FN1: variants seen among roughly 807,000 people sequenced by gnomAD.
The protein encoded by FN1 is fibronectin 1, also known as fibronectin.
In FN1, 106 loss-of-function variants were observed where a neutral mutation model predicts 297.3. The ratio of observed to expected loss-of-function variants is 0.36; its 90% confidence interval spans 0.30 to 0.42. The LOEUF (loss-of-function observed/expected upper bound fraction) is 0.42. Ranked by LOEUF, FN1 falls within the 10% of genes least tolerant of loss-of-function variation. The pLI is 1.00. For synonymous variants in FN1, 1,149 were observed against 1,152.6 expected, an observed-to-expected ratio of 1.00 and a Z score of 0.06; for missense variants, 2,690 against 3,124.9, an observed-to-expected ratio of 0.86 and a Z score of 3.32.
At chr2:215,378,111 T>C (rs1016510418) in intron 35 of FN1, 64 bp downstream of exon 35, 1 of 1,019,748 alleles carries the variant, frequency 9.8e-7, no homozygotes, top group Non-Finnish European at 1.6e-6. Context: ...CCCCACTGAT[T>C]TACCATTCTT....
In FN1 at chr2:215,371,087, G is replaced by A. The variant is rs543201869; in HGVS notation, c.6715-655C>T. On this transcript the variant is annotated intron_variant, in intron 40 of 45. Coordinates refer to ENST00000354785, the MANE Select transcript of FN1 (RefSeq NM_212482.4). ...GATCGAGACCATCCTGGCCAACATC[G>A]TGAAACCCCGTCTCTACTAAAAATA... Among the ~76,000 whole-genome samples, 6 of 151,126 alleles carry A rather than the reference G, an allele frequency of 4.0e-5. No homozygotes were observed. The South Asian group carries it at 6.4e-4, about 16-fold the overall frequency.
At position 215,414,771 on chromosome 2, in the gene FN1, A is replaced by G. The variant is rs1202731399; in HGVS notation, c.1941+66T>C. On this transcript the variant is annotated intron_variant, in intron 13 of 45. Coordinates refer to ENST00000354785, the MANE Select transcript of FN1 (RefSeq NM_212482.4). The stretch of plus-strand genomic sequence containing the variant: ...TTGTTGGCTCAAAAGCTGGGAAAAA[A>G]AGAAACCATCAGAATTGATAAGATT... 2.5e-6 allele frequency: 4 copies of G among 1,602,626 alleles called. No individual in the cohort carries two copies. In the South Asian group the frequency reaches 3.3e-5, roughly 13 times the overall value.
intron 24 of FN1, among the ~76,000 whole-genome samples, chr2:215,394,079 C>T (rs2060023923): frequency 6.6e-6 from 1 of 152,210 alleles, no homozygotes; most frequent in African/African-American, 2.4e-5. Flanking sequence ...CAACCAAATG[C>T]TGTTTCAGTG....
At chr2:215,370,457 C>G (rs780429632) in intron 40 of FN1, 25 bp from the exon 41 acceptor site, 1 of 1,605,800 alleles carries the variant, frequency 6.2e-7, no homozygotes, top group Non-Finnish European at 8.5e-7. Flanking sequence ...ACATCCAAAG[C>G]AGAGAGAAAG....
chr2:215,434,776 T>C lies in FN1; in HGVS notation c.197A>G (p.Glu66Gly). Residue 66 changes from glutamate (E) to glycine (G), a missense_variant, in exon 2 of 46, where the codon GAG becomes GGG. Coordinates refer to ENST00000354785, the MANE Select transcript of FN1 (RefSeq NM_212482.4). ...GKHYQINQQW[E>G]RTYLGNALVC... ...CAACGCATTGCCTAGGTAGGTCCGC[T>C]CCCACTGTTGATTTATCTGATAGTG... The C allele has an allele frequency of 6.2e-7, 1 of 1,614,066 alleles. No homozygotes were observed. The highest frequency in any genetic ancestry group is 8.5e-7 in the Non-Finnish European group (1 of 1,179,904).
chr2:215,375,651 A>AG lies in FN1; in HGVS notation c.5954dup (p.Val1986CysfsTer10). ...TACCAGTGGAGGCGTCGATGACCAC[A>AG]GGGGAGCTCCGAGCATTGTCATTCA... On this transcript the variant is annotated frameshift_variant, in exon 37 of 46. Transcript: ENST00000354785. LOFTEE classifies it high-confidence loss of function. 1 of 1,612,052 alleles carries AG rather than the reference A, an allele frequency of 6.2e-7. No individual in the cohort carries two copies. Among genetic ancestry groups the AG allele is most frequent in the Non-Finnish European group, 8.5e-7 (1 of 1,178,114 alleles).
chr2:215,433,266 G>A (rs2066850850), intron 3 of FN1, 58 bp downstream of exon 3: 2 of 1,596,438 alleles, frequency 1.3e-6, no homozygotes, highest in East Asian at 2.2e-5. Flanking sequence ...GACAGTGATG[G>A]TAACAGAGAA....
chr2:215,376,282 CACTT>C (rs576655583), intron 36 of FN1, among the ~76,000 whole-genome samples: 256 of 152,284 alleles, frequency 1.7e-3, no homozygotes, highest in African/African-American at 5.6e-3. Context: ...TGTTGATTGA[CACTT>C]ACGCAATTTC....
At chr2:215,388,560 C>T (rs1339073429) in intron 26 of FN1, among the ~76,000 whole-genome samples, 4 of 152,136 alleles carry the variant, frequency 2.6e-5, no homozygotes, top group South Asian at 2.1e-4. Flanking sequence ...AGCTGGATTT[C>T]GAGTGGGATG....
At chr2:215,362,516 G>C (rs551662988) in intron 44 of FN1, 1 of 218,082 alleles carries the variant, frequency 4.6e-6, no homozygotes, top group Non-Finnish European at 9.4e-6. Context: ...GGAGTGACTT[G>C]CTTAGAGGGA....
chr2:215,398,342 ATACAT>A (rs1234731167), intron 21 of FN1, among the ~76,000 whole-genome samples: 3 of 152,224 alleles, frequency 2.0e-5, no homozygotes, highest in South Asian at 2.1e-4. Flanking sequence ...CTGCAGGATG[ATACAT>A]TACAAGAGAA....
intron 20 of FN1, among the ~76,000 whole-genome samples, chr2:215,403,392 T>C (rs933437960): frequency 6.6e-6 from 1 of 152,218 alleles, no homozygotes; most frequent in Admixed American, 6.5e-5. Flanking sequence ...TAGGCTTGTA[T>C]GGACTTTTTG....
At chr2:215,364,845 T>C (rs959358616) in intron 44 of FN1, 34 bp downstream of exon 44, 1 of 1,432,396 alleles carries the variant, frequency 7.0e-7, no homozygotes, top group Non-Finnish European at 9.6e-7. Context: ...TTATCTTATC[T>C]AACTTGTAGG....
chr2:215,411,703 G>A (rs971462509), intron 13 of FN1, among the ~76,000 whole-genome samples: 1 of 131,184 alleles, frequency 7.6e-6, no homozygotes, highest in Non-Finnish European at 1.6e-5. Flanking sequence ...TTTCGCTCTT[G>A]TTGCCCAGGC....
intron 13 of FN1, among the ~76,000 whole-genome samples, chr2:215,410,651 G>C (rs1483867827): frequency 1.3e-5 from 2 of 152,086 alleles, no homozygotes; most frequent in African/African-American, 4.8e-5. Flanking sequence ...GGGATTAGAG[G>C]CGTGTGCCAC....
At chr2:215,430,181 C>T (rs2066249455) in intron 5 of FN1, among the ~76,000 whole-genome samples, 2 of 152,160 alleles carry the variant, frequency 1.3e-5, no homozygotes. Flanking sequence ...GGCTGTTTTA[C>T]TTCAACAAAC....
Position 215,433,352 on chromosome 2 carries a change from C to A in FN1, c.387G>T (p.Gly129=). The A allele has an allele frequency of 6.2e-7, 1 of 1,614,188 alleles. No individual in the cohort carries two copies. The highest frequency in any genetic ancestry group is 8.5e-7 in the Non-Finnish European group (1 of 1,180,028). Reference sequence around the variant, plus strand: ...CGATGGTACAGCTTATTCTCCCTCGCCCAGCCCCGATGCAGGTACAGTCCC... The same window carrying A: ...CGATGGTACAGCTTATTCTCCCTCGACCAGCCCCGATGCAGGTACAGTCCC... The part of the protein sequence containing the change: ...MIWDCTCIGA[G]RGRISCTIAN... The change falls in exon 3 of 46, where the codon GGG becomes GGT. Residue 129 remains glycine (G), a synonymous_variant. Coordinates refer to ENST00000354785, the MANE Select transcript of FN1 (RefSeq NM_212482.4).
chr2:215,401,253 A>AGGAAG (rs1158255590), intron 20 of FN1, among the ~76,000 whole-genome samples: 5 of 24,310 alleles, frequency 2.1e-4, no homozygotes, highest in Middle Eastern at 0.023. Context: ...AAAGAAAGGA[A>AGGAAG]GAAAGAAAGG....
intron 13 of FN1, among the ~76,000 whole-genome samples, chr2:215,412,167 G>A (rs1197682358): frequency 6.7e-6 from 1 of 148,980 alleles, no homozygotes. Context: ...GACATAGGGT[G>A]AAAGAAGAAA....
Sources: allele counts gnomAD v4.1 joint callset (sites outside exome capture counted in the v4.1 genomes callset), GRCh38; gene constraint gnomAD v4.1.1; transcripts MANE v1.5; gene names NCBI Gene and HGNC (gene_info 2026-07-23, HGNC 2026-07-21).